PRR11: variants seen among roughly 807,000 people sequenced by gnomAD.
The protein encoded by PRR11 is proline-rich protein 11.
In PRR11, 30 loss-of-function variants were observed where a neutral mutation model predicts 45.6. The observed-to-expected ratio is 0.66, with a 90% CI of 0.49 to 0.89. PRR11 has a LOEUF of 0.89. Among genes scored for constraint, PRR11 ranks in the 40% least tolerant of loss-of-function variants. PRR11 has a pLI of 0.00. For synonymous variants in PRR11, 128 were observed against 153.5 expected, an observed-to-expected ratio of 0.83 and a Z score of 1.23; for missense variants, 373 against 424.8, an observed-to-expected ratio of 0.88 and a Z score of 1.07.
At chr17:59,169,380 G>A (rs755367911) in intron 1 of PRR11, among the ~76,000 whole-genome samples, 17 of 152,026 alleles carry the variant, frequency 1.1e-4, no homozygotes, top group Non-Finnish European at 2.9e-5. Context: ...TTACAGGCAT[G>A]AGCCACCACA....
intron 1 of PRR11, among the ~76,000 whole-genome samples, chr17:59,164,803 T>C (rs1037670195): frequency 1.3e-5 from 2 of 149,662 alleles, no homozygotes; most frequent in Non-Finnish European, 3.0e-5. Context: ...CGCTTCAACC[T>C]GGGAGGAGGA....
chr17:59,174,921 T>TCCTCCCCA, intron 2 of PRR11: 1 of 1,075,544 alleles, frequency 9.3e-7, no homozygotes, highest in Non-Finnish European at 1.4e-6. Context: ...CCCACCTGAT[T>TCCTCCCCA]CCTCCCCACC....
chr17:59,159,719 C>A (rs2046642434), intron 1 of PRR11, among the ~76,000 whole-genome samples: 1 of 152,132 alleles, frequency 6.6e-6, no homozygotes, highest in East Asian at 1.9e-4. Context: ...TGTCTGAATC[C>A]CCTGACATAC....
At chr17:59,188,592 A>G (rs2147851354) in intron 4 of PRR11, among the ~76,000 whole-genome samples, 1 of 152,264 alleles carries the variant, frequency 6.6e-6, no homozygotes, top group South Asian at 2.1e-4. Context: ...CTAATGAGGT[A>G]TGATCTCAAG....
intron 4 of PRR11, among the ~76,000 whole-genome samples, chr17:59,189,747 C>T (rs1019188938): frequency 6.6e-6 from 1 of 152,104 alleles, no homozygotes. Flanking sequence ...GAAGTAAATT[C>T]ATTGCTTTTT....
At chr17:59,160,290 G>T (rs1040000541) in intron 1 of PRR11, among the ~76,000 whole-genome samples, 2 of 152,146 alleles carry the variant, frequency 1.3e-5, no homozygotes, top group African/African-American at 4.8e-5. Context: ...TGACAGTATA[G>T]TAGAGCCATG....
rs372413490 is a variant in PRR11 at position 59,169,917 on chromosome 17, G to A, written c.128+37G>A. 9.5e-6 allele frequency: 15 copies of A among 1,573,640 alleles called. No homozygotes were observed. The African/African-American group carries it at 1.9e-4, about 20-fold the overall frequency. The stretch of plus-strand genomic sequence containing the variant: ...TGTGGAACAGAAAAAATATTAGAGA[G>A]ATCTGATCAGTTTAAGATAGAGTTT... On this transcript the variant is annotated intron_variant, in intron 2 of 9. Coordinates refer to ENST00000262293, the MANE Select transcript of PRR11 (RefSeq NM_018304.4).
intron 2 of PRR11, chr17:59,181,799 AGACCCCGACCCC>A: frequency 6.5e-7 from 1 of 1,544,018 alleles, no homozygotes; most frequent in East Asian, 2.3e-5. Context: ...TGATCACCTT[AGACCCCGACCCC>A]GACCCCAACC....
At chr17:59,189,652 C>T (rs1050671380) in intron 4 of PRR11, among the ~76,000 whole-genome samples, 1 of 151,920 alleles carries the variant, frequency 6.6e-6, no homozygotes, top group Non-Finnish European at 1.5e-5. Flanking sequence ...ATTATTGAGA[C>T]TAGGTGGGAC....
Position 59,194,828 on chromosome 17 carries a change from G to C in PRR11, c.717G>C (p.Lys239Asn). 1 of 1,613,522 alleles carries C rather than the reference G, an allele frequency of 6.2e-7. No individual in the cohort carries two copies. Among genetic ancestry groups the C allele is most frequent in the Non-Finnish European group, 8.5e-7 (1 of 1,179,656 alleles). ...VKDLLTVKLK[K>N]TQSLDEKRKL... Reference sequence around the variant, plus strand: ...ATCTGCTGACTGTAAAATTAAAGAAGACACAGAGTTTAGATGAAAAGAGGA... The same window carrying C: ...ATCTGCTGACTGTAAAATTAAAGAACACACAGAGTTTAGATGAAAAGAGGA... Residue 239 changes from lysine (K) to asparagine (N), a missense_variant, in exon 6 of 10, where the codon AAG (lysine) becomes AAC (asparagine). Coordinates refer to ENST00000262293, the MANE Select transcript of PRR11 (RefSeq NM_018304.4).
chr17:59,172,890 G>C (rs1003082029), intron 2 of PRR11, among the ~76,000 whole-genome samples: 2 of 152,240 alleles, frequency 1.3e-5, no homozygotes, highest in African/African-American at 4.8e-5. Flanking sequence ...CCCGCCCAAG[G>C]GCTGAGGAGT....
rs145721203 is a variant in PRR11, at chr17:59,172,534, G to A, written c.128+2654G>A. Among the ~76,000 whole-genome samples, 1,138 of 152,326 alleles carry A rather than the reference G, an allele frequency of 7.5e-3. 14 individuals are homozygous for A. Among genetic ancestry groups the A allele is most frequent in the African/African-American group, 0.026 (1,069 of 41,566 alleles). On this transcript the variant is annotated intron_variant, in intron 2 of 9. Transcript: ENST00000262293. The stretch of plus-strand genomic sequence containing the variant: ...CGGGGAGGTGTCAAGGAAGAGGCAC[G>A]GGCGGGAACCGGGGCTGCGCGCTGC...
At chr17:59,158,889 T>C (rs1246716814) in intron 1 of PRR11, among the ~76,000 whole-genome samples, 1 of 152,192 alleles carries the variant, frequency 6.6e-6, no homozygotes, top group Non-Finnish European at 1.5e-5. Context: ...GGCGTGATCT[T>C]GGCTCACTGC....
intron 1 of PRR11, among the ~76,000 whole-genome samples, chr17:59,166,617 T>A (rs2046681149): frequency 6.6e-6 from 1 of 152,130 alleles, no homozygotes; most frequent in Non-Finnish European, 1.5e-5. Context: ...TATACTTATA[T>A]AGATATATGT....
At chr17:59,179,427 G>A (rs960344921) in intron 2 of PRR11, among the ~76,000 whole-genome samples, 8 of 152,014 alleles carry the variant, frequency 5.3e-5, no homozygotes, top group Admixed American at 2.0e-4. Flanking sequence ...GTGAGCCACC[G>A]CACTTGGCCC....
intron 1 of PRR11, among the ~76,000 whole-genome samples, chr17:59,160,393 C>T (rs1032097553): frequency 5.3e-5 from 8 of 152,080 alleles, no homozygotes; most frequent in African/African-American, 9.7e-5. Context: ...TGGTTGGTTT[C>T]GGTTTTGGTT....
intron 5 of PRR11, among the ~76,000 whole-genome samples, chr17:59,194,264 T>TA (rs1243486108): frequency 3.3e-5 from 3 of 91,896 alleles, no homozygotes; most frequent in African/African-American, 1.8e-4. Flanking sequence ...GTCTTCCCAA[T>TA]CCTCACACAC....
chr17:59,201,985 A>C lies in PRR11; in HGVS notation c.*354A>C, dbSNP rs557553541. The C allele has an allele frequency of 1.3e-4, 30 of 233,052 alleles. 1 individual carries two copies. The South Asian group carries it at 2.0e-3, about 16-fold the overall frequency. The allele number at this position is 233,052 out of a possible 1,614,324, so 14.4% of individuals were successfully genotyped here. On this transcript the variant is annotated 3_prime_UTR_variant, in exon 10 of 10. Coordinates refer to ENST00000262293, the MANE Select transcript of PRR11 (RefSeq NM_018304.4). The stretch of plus-strand genomic sequence containing the variant: ...AAACAAAAACAAACAAACAAACAAA[A>C]AAAACCCACCCAAATCCTTTTTTTT...
intron 2 of PRR11, among the ~76,000 whole-genome samples, chr17:59,176,040 G>A (rs2046743377): frequency 1.3e-5 from 2 of 152,318 alleles, no homozygotes; most frequent in South Asian, 4.1e-4. Context: ...GGATGTAACT[G>A]GAGAGCTACA....
Sources: gnomAD v4.1 joint callset for allele counts (sites outside exome capture counted in the v4.1 genomes callset) on GRCh38, gnomAD v4.1.1 for gene constraint, MANE v1.5 for transcripts, NCBI Gene and HGNC (gene_info 2026-07-23, HGNC 2026-07-21) for gene names.